The following GALNT6 variants were observed in gnomAD, a reference collection of about 807,000 sequenced individuals.
GALNT6 encodes the protein polypeptide N-acetylgalactosaminyltransferase 6.
A neutral mutation model predicts 65.9 loss-of-function variants in GALNT6; 51 were observed. That is an observed-to-expected ratio of 0.77 (90% CI 0.62 to 0.98). GALNT6 has a LOEUF of 0.98. Ranked by LOEUF, GALNT6 falls within the 50% of genes least tolerant of loss-of-function variation. GALNT6 has a pLI of 0.00. For missense variants in GALNT6, 708 were observed against 803.3 expected (o/e 0.88, Z 1.43); for synonymous variants, 323 against 315.1 (o/e 1.02, Z -0.26).
chr12:51,371,439 A>G (rs1413910816), intron 4 of GALNT6, among the ~76,000 whole-genome samples: 1 of 152,130 alleles, frequency 6.6e-6, no homozygotes, highest in East Asian at 1.9e-4. Flanking sequence ...TGTTTAAGCC[A>G]CACTGTCTTC....
chr12:51,374,964 T>C (rs1325950842), intron 4 of GALNT6, among the ~76,000 whole-genome samples: 3 of 152,226 alleles, frequency 2.0e-5, no homozygotes, highest in African/African-American at 7.2e-5. Context: ...TCAACATTTT[T>C]TTTTTTGAGA....
At position 51,354,045 on chromosome 12, in the gene GALNT6, G is replaced by A. The variant is rs1215652967; in HGVS notation, c.*334C>T. The A allele has an allele frequency of 9.5e-6, 2 of 209,768 alleles. No individual in the cohort carries two copies. Among genetic ancestry groups the A allele is most frequent in the African/African-American group, 4.7e-5 (2 of 42,762 alleles). 13.0% of individuals were successfully genotyped at this position (209,768 alleles called of 1,614,324 possible). ...CCCAAAGTGCTAGGATTTCAGGCATGAGCCACTGTGCCCAGCCTGAAGTAC... is the reference window on the plus strand; with the variant it reads ...CCCAAAGTGCTAGGATTTCAGGCATAAGCCACTGTGCCCAGCCTGAAGTAC... On this transcript the variant is annotated 3_prime_UTR_variant, in exon 12 of 12. Coordinates refer to ENST00000356317, the MANE Select transcript of GALNT6 (RefSeq NM_007210.4).
intron 2 of GALNT6, among the ~76,000 whole-genome samples, chr12:51,388,673 C>A (rs1221352419): frequency 6.6e-6 from 1 of 152,162 alleles, no homozygotes; most frequent in Non-Finnish European, 1.5e-5. Context: ...CAGGCCTAGA[C>A]GGTAGACCAC....
rs529368163 is a variant in GALNT6 at position 51,387,183 on chromosome 12, C to T, written c.-104+3667G>A. Among the ~76,000 whole-genome samples the T allele has an allele frequency of 2.4e-3, 364 of 152,078 alleles. 1 individual carries two copies. The highest frequency in any genetic ancestry group is 3.9e-3 in the Admixed American group (59 of 15,274). Reference sequence around the variant, plus strand: ...CGGGATCTCGGCTCACTGCAACCTCCGACTCCTGGGTTCAAGCGATTCTCA... The same window carrying T: ...CGGGATCTCGGCTCACTGCAACCTCTGACTCCTGGGTTCAAGCGATTCTCA... On this transcript the variant is annotated intron_variant, in intron 2 of 11. Transcript: ENST00000356317. The surrounding 1 kb of genome is among the most constrained non-coding windows in gnomAD (Gnocchi z 4.2).
In GALNT6 at chr12:51,353,867, A is replaced by C. The variant is rs1430086459; in HGVS notation, c.*512T>G. 6.5e-6 allele frequency: 1 copy of C among 153,084 alleles called. No homozygotes were observed. Among genetic ancestry groups the C allele is most frequent in the African/African-American group, 2.4e-5 (1 of 41,288 alleles). The allele number at this position is 153,084 out of a possible 1,614,324, so 9.5% of individuals were successfully genotyped here. On this transcript the variant is annotated 3_prime_UTR_variant, in exon 12 of 12. Transcript: ENST00000356317. ...GGGGAACAAGCAATCCTCCCACCTC[A>C]GCCTTCTGAGTAGCTGCGACTACAG...
At chr12:51,384,578 A>G (rs796121814) in intron 2 of GALNT6, among the ~76,000 whole-genome samples, 22 of 151,514 alleles carry the variant, frequency 1.5e-4, no homozygotes, top group African/African-American at 5.1e-4. Context: ...TGTAATCCCA[A>G]CTACTCAGGA....
intron 4 of GALNT6, 145 bp downstream of exon 4, chr12:51,377,050 T>C (rs940013905): frequency 4.6e-5 from 31 of 670,708 alleles, no homozygotes; most frequent in Non-Finnish European, 7.5e-5. Flanking sequence ...ACCTGACTTC[T>C]TCCTGCTCCT....
chr12:51,372,134 A>G (rs1010643460), intron 4 of GALNT6, among the ~76,000 whole-genome samples: 8 of 152,124 alleles, frequency 5.3e-5, no homozygotes, highest in Admixed American at 5.2e-4. Flanking sequence ...TATTCTAGGG[A>G]TTTTAACAGA....
chr12:51,380,350 T>C (rs11614836), intron 2 of GALNT6, among the ~76,000 whole-genome samples: 58,453 of 152,016 alleles, frequency 0.38, 12,066 homozygotes, highest in Non-Finnish European at 0.47. Context: ...TTAAGTCCAC[T>C]AGCAGAATGA....
At chr12:51,363,898 T>C (rs1004304548) in intron 6 of GALNT6, among the ~76,000 whole-genome samples, 4 of 152,252 alleles carry the variant, frequency 2.6e-5, no homozygotes, top group Admixed American at 2.0e-4. Flanking sequence ...GGGAAGTGTG[T>C]CCTTGCTCCA....
At chr12:51,390,220 T>G (rs1469859785) in intron 2 of GALNT6, among the ~76,000 whole-genome samples, 2 of 142,660 alleles carry the variant, frequency 1.4e-5, no homozygotes, top group African/African-American at 5.2e-5. Context: ...TGGAATGCAA[T>G]GGTGCGATCT....
chr12:51,358,369 C>T (rs1424610942), intron 8 of GALNT6, 108 bp from the exon 9 acceptor site: 57 of 1,263,436 alleles, frequency 4.5e-5, no homozygotes, highest in East Asian at 7.1e-5. Flanking sequence ...GGTGCAATCT[C>T]GGCTCACTGC....
At chr12:51,363,984 A>T in intron 6 of GALNT6, 137 bp downstream of exon 6, 1 of 702,890 alleles carries the variant, frequency 1.4e-6, no homozygotes, top group South Asian at 1.7e-5. Context: ...TACCTGCTTC[A>T]TAGGGAGTGA....
At chr12:51,384,667 G>A (rs1465454251) in intron 2 of GALNT6, among the ~76,000 whole-genome samples, 2 of 146,938 alleles carry the variant, frequency 1.4e-5, no homozygotes, top group African/African-American at 2.5e-5. Context: ...ACTCCAGCCT[G>A]GGTGACAGAG....
At chr12:51,370,003 C>T (rs1947237960) in intron 4 of GALNT6, among the ~76,000 whole-genome samples, 2 of 152,142 alleles carry the variant, frequency 1.3e-5, no homozygotes, top group Non-Finnish European at 2.9e-5. Context: ...CATGGTGTTT[C>T]CTTATGGAAA....
chr12:51,356,654 G>A (rs771413022), intron 10 of GALNT6, among the ~76,000 whole-genome samples: 1 of 151,996 alleles, frequency 6.6e-6, no homozygotes, highest in Non-Finnish European at 1.5e-5. Context: ...GTGGGCTACC[G>A]TGCCTAATCA....
intron 4 of GALNT6, among the ~76,000 whole-genome samples, chr12:51,376,011 C>A (rs1290968213): frequency 6.6e-6 from 1 of 151,992 alleles, no homozygotes; most frequent in East Asian, 1.9e-4. Flanking sequence ...CAAGCGCGCA[C>A]CACCACACCT....
chr12:51,385,788 C>G (rs1424152687), intron 2 of GALNT6, among the ~76,000 whole-genome samples: 1 of 152,160 alleles, frequency 6.6e-6, no homozygotes, highest in Admixed American at 6.5e-5. Flanking sequence ...CTTTTTATCA[C>G]CTACAAAGTC....
At position 51,354,446 on chromosome 12, in the gene GALNT6, T is replaced by G; in HGVS notation, c.1802A>C (p.Gln601Pro). The part of the protein sequence containing the change: ...NSGSGTCLTS[Q>P]DKKPAMAPCN... The stretch of plus-strand genomic sequence containing the variant: ...GGGGGCCATGGCTGGCTTTTTGTCC[T>G]GGGATGTCAGGCAGGTACCAGATCC... Residue 601 changes from glutamine (Q) to proline (P), a missense_variant, in exon 12 of 12, where the codon CAG becomes CCG. Gln to Pro is a moderately conservative substitution (Grantham distance 76, BLOSUM62 -1). Coordinates refer to ENST00000356317, the MANE Select transcript of GALNT6 (RefSeq NM_007210.4). The G allele has an allele frequency of 6.3e-7, 1 of 1,593,682 alleles. No individual in the cohort carries two copies. The highest frequency in any genetic ancestry group is 8.5e-7 in the Non-Finnish European group (1 of 1,172,396).
Sources: allele counts gnomAD v4.1 joint callset (sites outside exome capture counted in the v4.1 genomes callset), GRCh38; gene constraint gnomAD v4.1.1; non-coding constraint Gnocchi (gnomAD v3.1); transcripts MANE v1.5; gene names NCBI Gene and HGNC (gene_info 2026-07-23, HGNC 2026-07-21).